MDFIC2: variants seen among roughly 807,000 people sequenced by gnomAD.
The protein encoded by MDFIC2 is myoD family inhibitor domain-containing protein 2.
chr3:70,246,257 A>G (rs1701707670), intron 2 of MDFIC2, among the ~76,000 whole-genome samples: 2 of 152,046 alleles, frequency 1.3e-5, no homozygotes, highest in Admixed American at 6.6e-5. Flanking sequence ...TGTTTTGTTC[A>G]CCAGGAGGAA....
At chr3:70,254,025 A>T (rs1366372363) in intron 2 of MDFIC2, among the ~76,000 whole-genome samples, 1 of 152,226 alleles carries the variant, frequency 6.6e-6, no homozygotes, top group African/African-American at 2.4e-5. Context: ...GATAAGACTA[A>T]TTATGAATCT....
At chr3:70,223,567 A>C (rs1701478624) in intron 2 of MDFIC2, among the ~76,000 whole-genome samples, 1 of 152,136 alleles carries the variant, frequency 6.6e-6, no homozygotes, top group Non-Finnish European at 1.5e-5. Context: ...CCCACCAAAA[A>C]TGAGAACTTG....
chr3:70,209,311 T>G (rs1701319947), intron 2 of MDFIC2, among the ~76,000 whole-genome samples: 1 of 152,074 alleles, frequency 6.6e-6, no homozygotes, highest in South Asian at 2.1e-4. Context: ...TGAAAAATGT[T>G]TGTAGATATT....
At chr3:70,215,840 A>G (rs1016049908) in intron 2 of MDFIC2, among the ~76,000 whole-genome samples, 2 of 152,098 alleles carry the variant, frequency 1.3e-5, no homozygotes, top group African/African-American at 2.4e-5. Flanking sequence ...TTCAGTTGAC[A>G]ATGGACTCAT....
In MDFIC2 at chr3:70,197,117, C is replaced by T. The variant is rs1429104580; in HGVS notation, c.379G>A (p.Gly127Ser). The T allele has an allele frequency of 2.5e-6, 1 of 398,430 alleles. No homozygotes were observed. Among genetic ancestry groups the T allele is most frequent in the Non-Finnish European group, 4.4e-6 (1 of 226,048 alleles). The allele number at this position is 398,430 out of a possible 1,614,324, so 24.7% of individuals were successfully genotyped here. A position where few individuals can be genotyped will look rare whatever the true frequency, so the allele number is the denominator to read the frequency against. The change falls in exon 4 of 4, where the codon GGC becomes AGC. Residue 127 changes from glycine (G) to serine (S), a missense_variant. By Grantham distance (56) the Gly-to-Ser change is moderately conservative (BLOSUM62 0). Transcript: ENST00000567252. ...QFWDCLLMLP[G>S]TCETVCTKMC... is the part of the protein sequence containing the mutation. ...TTGGTACACACCGTTTCGCAGGTGC[C>T]GGGGAGCATCAGGAGACAGTCCCAA...
chr3:70,309,237 A>G (rs776579973), intron 2 of MDFIC2, among the ~76,000 whole-genome samples: 6 of 152,178 alleles, frequency 3.9e-5, no homozygotes, highest in Non-Finnish European at 5.9e-5. Context: ...AATTTGAGCA[A>G]GATGTAAAGT....
rs1455984080 is a variant in MDFIC2, at chr3:70,206,633, T to C, written c.246A>G (p.Glu82=). ...GGTAAGAAAATGTTGTTTGGCATTCTTCAAGGGAGGACAGTGATGTGCTGG... is the reference window on the plus strand; with the variant it reads ...GGTAAGAAAATGTTGTTTGGCATTCCTCAAGGGAGGACAGTGATGTGCTGG... ...SESSTSLSSL[E]ECQTTFSYLQ... Residue 82 remains glutamate (E), a synonymous_variant, in exon 3 of 4, where the codon GAA becomes GAG. Transcript: ENST00000567252. The C allele has an allele frequency of 7.5e-6, 3 of 397,802 alleles. No homozygotes were observed. The highest frequency in any genetic ancestry group is 1.3e-5 in the Non-Finnish European group (3 of 225,604). 24.6% of individuals were successfully genotyped at this position (397,802 alleles called of 1,614,324 possible). A position where few individuals can be genotyped will look rare whatever the true frequency, so the allele number is the denominator to read the frequency against.
intron 2 of MDFIC2, among the ~76,000 whole-genome samples, chr3:70,274,544 C>T (rs758202059): frequency 6.6e-6 from 1 of 152,114 alleles, no homozygotes; most frequent in Non-Finnish European, 1.5e-5. Context: ...AAACCAAACA[C>T]TGCATGCTCT....
intron 2 of MDFIC2, among the ~76,000 whole-genome samples, chr3:70,263,355 T>C (rs1049789727): frequency 1.3e-5 from 2 of 152,324 alleles, no homozygotes; most frequent in Non-Finnish European, 2.9e-5. Context: ...TAGTTCTTTT[T>C]AATTTTATTT....
rs368037593 is a variant in MDFIC2 at position 70,301,467 on chromosome 3, A to C, written c.88+10419T>G. Among the ~76,000 whole-genome samples, 16 of 152,216 alleles carry C rather than the reference A, an allele frequency of 1.1e-4. No individual in the cohort carries two copies. In the East Asian group the frequency reaches 2.9e-3, roughly 28 times the overall value. ...GCTGATATTTTATTTTCCCAACTGAATTATAAGTTTCTTTATTGGGCATGG... is the reference window on the plus strand; with the variant it reads ...GCTGATATTTTATTTTCCCAACTGACTTATAAGTTTCTTTATTGGGCATGG... On this transcript the variant is annotated intron_variant, in intron 2 of 3. Transcript: ENST00000567252.
At chr3:70,210,268 A>G (rs533761913) in intron 2 of MDFIC2, among the ~76,000 whole-genome samples, 4 of 152,282 alleles carry the variant, frequency 2.6e-5, no homozygotes, top group East Asian at 1.9e-4. Flanking sequence ...TTGTACTGAG[A>G]GAATTTTATG....
chr3:70,284,110 A>T (rs1396689768), intron 2 of MDFIC2, among the ~76,000 whole-genome samples: 1 of 152,156 alleles, frequency 6.6e-6, no homozygotes, highest in Admixed American at 6.6e-5. Flanking sequence ...TGCAACTCTT[A>T]AAACTGTTAC....
intron 2 of MDFIC2, among the ~76,000 whole-genome samples, chr3:70,215,240 G>A (rs954748801): frequency 3.4e-4 from 51 of 152,040 alleles, no homozygotes; most frequent in African/African-American, 1.2e-3. Context: ...GATTTTAGTG[G>A]TTTGCCCAAG....
chr3:70,262,046 C>T (rs903918529), intron 2 of MDFIC2, among the ~76,000 whole-genome samples: 9 of 152,154 alleles, frequency 5.9e-5, no homozygotes, highest in Admixed American at 2.0e-4. Context: ...AGCCATTCCT[C>T]ATGTGTCCTT....
chr3:70,274,649 G>A (rs1268544190), intron 2 of MDFIC2, among the ~76,000 whole-genome samples: 2 of 152,080 alleles, frequency 1.3e-5, no homozygotes, highest in East Asian at 3.9e-4. Flanking sequence ...GGTGGGGAGG[G>A]AGAGCTTAAT....
intron 2 of MDFIC2, among the ~76,000 whole-genome samples, chr3:70,245,323 C>A (rs1424728707): frequency 3.3e-5 from 5 of 151,672 alleles, no homozygotes; most frequent in Admixed American, 6.6e-5. Flanking sequence ...TCTCTCATTG[C>A]CTAAGAGAAA....
At chr3:70,274,917 A>C (rs773630401) in intron 2 of MDFIC2, among the ~76,000 whole-genome samples, 1 of 152,200 alleles carries the variant, frequency 6.6e-6, no homozygotes, top group Non-Finnish European at 1.5e-5. Flanking sequence ...GATCTTTATT[A>C]GTTTGGCAAA....
At chr3:70,284,677 T>C (rs540814273) in intron 2 of MDFIC2, among the ~76,000 whole-genome samples, 6 of 152,258 alleles carry the variant, frequency 3.9e-5, no homozygotes, top group African/African-American at 1.4e-4. Flanking sequence ...TTCTCACTTA[T>C]AAGTGGGAGC....
chr3:70,219,906 C>T (rs901122149), intron 2 of MDFIC2, among the ~76,000 whole-genome samples: 5 of 152,026 alleles, frequency 3.3e-5, no homozygotes, highest in South Asian at 4.1e-4. Context: ...TAAGCATAAG[C>T]GTTGTTCAAA....
Sources: allele counts gnomAD v4.1 joint callset (sites outside exome capture counted in the v4.1 genomes callset), GRCh38; gene constraint gnomAD v4.1.1; transcripts MANE v1.5; gene names NCBI Gene and HGNC (gene_info 2026-07-23, HGNC 2026-07-21).